The following MTMR6 variants were observed in gnomAD, a reference collection of about 807,000 sequenced individuals.
MTMR6 encodes myotubularin related protein 6, also known as phosphatidylinositol-3,5-bisphosphate 3-phosphatase MTMR6.
A neutral mutation model predicts 80.1 loss-of-function variants in MTMR6; 47 were observed. That is an observed-to-expected ratio of 0.59 (90% CI 0.46 to 0.75). The LOEUF (loss-of-function observed/expected upper bound fraction) is 0.75. Among genes scored for constraint, MTMR6 ranks in the 30% least tolerant of loss-of-function variants. MTMR6 has a pLI of 0.00. For synonymous variants in MTMR6, 254 were observed against 253.0 expected (o/e 1.00, Z -0.04); for missense variants, 629 against 730.9 (o/e 0.86, Z 1.61).
intron 7 of MTMR6, 61 bp downstream of exon 7, chr13:25,258,499 A>G: frequency 1.4e-6 from 2 of 1,423,466 alleles, no homozygotes; most frequent in African/African-American, 1.5e-5. Flanking sequence ...TCTAAATTAC[A>G]TGTGACTAGC....
At position 25,274,144 on chromosome 13, in the gene MTMR6, T is replaced by C; in HGVS notation, c.68A>G (p.Lys23Arg). The C allele has an allele frequency of 6.2e-7, 1 of 1,612,976 alleles. No individual in the cohort carries two copies. The highest frequency in any genetic ancestry group is 8.5e-7 in the Non-Finnish European group (1 of 1,179,416). The change falls in exon 2 of 14, where the codon AAG (lysine) becomes AGG (arginine). Residue 23 changes from lysine to arginine, a missense_variant. Lys to Arg is a conservative substitution (Grantham distance 26, BLOSUM62 2). Coordinates refer to ENST00000381801, the MANE Select transcript of MTMR6 (RefSeq NM_004685.5). ...KLLDRFSTSN[K>R]SLTGTLYLTA... ...AAGATACAGTGTTCCTGTTAATGAC[T>C]TGTTGCTGGTACTGAATCGGTCAAG...
chr13:25,276,357 A>G (rs1256006716), intron 1 of MTMR6, among the ~76,000 whole-genome samples: 1 of 152,228 alleles, frequency 6.6e-6, no homozygotes, highest in Non-Finnish European at 1.5e-5. Context: ...TAGAGTTTCA[A>G]ATAGCTTCTC....
At chr13:25,281,318 C>T (rs1593158730) in intron 1 of MTMR6, among the ~76,000 whole-genome samples, 1 of 147,260 alleles carries the variant, frequency 6.8e-6, no homozygotes, top group East Asian at 2.0e-4. Flanking sequence ...GCCTAGGTGA[C>T]AGAGCAAGAT....
In MTMR6 at chr13:25,274,957, CACAT is replaced by C. The variant is rs1427216571; in HGVS notation, c.25-774_25-771del. On this transcript the variant is annotated intron_variant, in intron 1 of 13. Coordinates refer to ENST00000381801, the MANE Select transcript of MTMR6 (RefSeq NM_004685.5). ...GTAGACAGACACACACACACACACA[CACAT>C]ACACACACACACACACACACACACA... Among the ~76,000 whole-genome samples the C allele has an allele frequency of 2.3e-3, 301 of 130,540 alleles. 6 individuals carry two copies. The highest frequency in any genetic ancestry group is 4.5e-3 in the South Asian group (18 of 3,964). 85.6% of individuals were successfully genotyped at this position (130,540 alleles called of 152,430 possible).
At chr13:25,252,123 T>C (rs551445302) in intron 11 of MTMR6, 139 bp from the exon 12 acceptor site, 1 of 839,762 alleles carries the variant, frequency 1.2e-6, no homozygotes, top group Non-Finnish European at 1.8e-6. Flanking sequence ...AGTCTAACCT[T>C]GTCTCAGAAT....
In MTMR6 at chr13:25,267,751, T is replaced by G. The variant is rs139386775; in HGVS notation, c.304+28A>C. The G allele has an allele frequency of 2.5e-6, 4 of 1,591,810 alleles. No individual in the cohort carries two copies. In the African/African-American group the frequency reaches 4.0e-5, roughly 16 times the overall value. Reference sequence around the variant, plus strand: ...TAGATAACCCATCTCAAATTGAGCATGTAAGCTTTGGTCTCTAAGAACAAT... The same window carrying G: ...TAGATAACCCATCTCAAATTGAGCAGGTAAGCTTTGGTCTCTAAGAACAAT... On this transcript the variant is annotated intron_variant, in intron 3 of 13. Transcript: ENST00000381801.
At chr13:25,264,794 G>A (rs1329992398) in intron 5 of MTMR6, among the ~76,000 whole-genome samples, 1 of 150,832 alleles carries the variant, frequency 6.6e-6, no homozygotes, top group Non-Finnish European at 1.5e-5. Context: ...AGAACACTGG[G>A]GAAAAAGAGG....
At chr13:25,269,322 T>C (rs888345920) in intron 2 of MTMR6, among the ~76,000 whole-genome samples, 4 of 152,330 alleles carry the variant, frequency 2.6e-5, no homozygotes, top group Admixed American at 1.3e-4. Context: ...TCATCCCTGA[T>C]ACCTCCTTTA....
intron 1 of MTMR6, among the ~76,000 whole-genome samples, chr13:25,284,853 G>T (rs1957924300): frequency 6.6e-6 from 1 of 152,146 alleles, no homozygotes; most frequent in Non-Finnish European, 1.5e-5. Flanking sequence ...CTATCTTGCT[G>T]TTATATACCC....
intron 1 of MTMR6, among the ~76,000 whole-genome samples, chr13:25,276,954 G>A (rs1957739851): frequency 6.6e-6 from 1 of 152,148 alleles, no homozygotes; most frequent in African/African-American, 2.4e-5. Flanking sequence ...AAGTCATACA[G>A]CTAGAAGCAG....
intron 1 of MTMR6, among the ~76,000 whole-genome samples, chr13:25,280,553 C>T (rs1452721408): frequency 6.6e-6 from 1 of 152,190 alleles, no homozygotes; most frequent in Non-Finnish European, 1.5e-5. Context: ...TAAAAACCAA[C>T]TGCTTCTTTA....
chr13:25,260,516 T>C (rs965660626), intron 6 of MTMR6: 18 of 706,384 alleles, frequency 2.5e-5, no homozygotes, highest in African/African-American at 1.9e-4. Flanking sequence ...ACTTCTAAAA[T>C]AGTGACCATT....
chr13:25,283,044 A>G (rs1248115912), intron 1 of MTMR6, among the ~76,000 whole-genome samples: 1 of 151,994 alleles, frequency 6.6e-6, no homozygotes, highest in Non-Finnish European at 1.5e-5. Flanking sequence ...TCAAGGCCAG[A>G]CCTTTTCCCT....
intron 4 of MTMR6, 76 bp from the exon 5 acceptor site, chr13:25,266,023 A>AG: frequency 1.3e-6 from 2 of 1,594,858 alleles, no homozygotes; most frequent in Non-Finnish European, 1.7e-6. Flanking sequence ...ACCTTATTAA[A>AG]TGCAAGAACA....
chr13:25,262,080 TA>T (rs1359317990), intron 5 of MTMR6, among the ~76,000 whole-genome samples: 7 of 152,220 alleles, frequency 4.6e-5, no homozygotes, highest in African/African-American at 1.7e-4. Context: ...CTCTGTGAAG[TA>T]ACCTACTGTT....
intron 1 of MTMR6, among the ~76,000 whole-genome samples, chr13:25,274,945 C>G (rs1232256661): frequency 5.4e-4 from 67 of 125,064 alleles, no homozygotes; most frequent in African/African-American, 2.1e-3. Flanking sequence ...GACAGACACA[C>G]ACACACACAC....
rs1163264756 is a variant in MTMR6, at chr13:25,246,498, G to C, written c.*2734C>G. The stretch of plus-strand genomic sequence containing the variant: ...AAATAACTAAAACTTGACTAATGAA[G>C]ATCAGCGTCACTAATAAAAGTCTGC... On this transcript the variant is annotated 3_prime_UTR_variant, in exon 14 of 14. Transcript: ENST00000381801. The C allele has an allele frequency of 6.6e-6, 1 of 152,588 alleles. No homozygotes were observed. Among genetic ancestry groups the C allele is most frequent in the East Asian group, 1.9e-4 (1 of 5,198 alleles). The allele number at this position is 152,588 out of a possible 1,614,324, so 9.5% of individuals were successfully genotyped here.
intron 1 of MTMR6, among the ~76,000 whole-genome samples, chr13:25,282,125 G>A (rs575641908): frequency 6.6e-6 from 1 of 151,992 alleles, no homozygotes; most frequent in Non-Finnish European, 1.5e-5. Flanking sequence ...GCCCTCAAAG[G>A]GTTTTTGCCC....
chr13:25,278,036 A>G (rs1433094585), intron 1 of MTMR6, among the ~76,000 whole-genome samples: 1 of 152,326 alleles, frequency 6.6e-6, no homozygotes, highest in African/African-American at 2.4e-5. Flanking sequence ...GCAAAAGTAC[A>G]AATCCAAAGC....
Sources: gnomAD v4.1 joint callset for allele counts (sites outside exome capture counted in the v4.1 genomes callset) on GRCh38, gnomAD v4.1.1 for gene constraint, MANE v1.5 for transcripts, NCBI Gene and HGNC (gene_info 2026-07-23, HGNC 2026-07-21) for gene names.